Variants in CNTN5 observed in about 807,000 individuals in gnomAD.
The protein encoded by CNTN5 is contactin-5.
A neutral mutation model predicts 129.1 loss-of-function variants in CNTN5; 77 were observed. The ratio of observed to expected loss-of-function variants is 0.60; its 90% confidence interval spans 0.50 to 0.72. CNTN5 has a LOEUF of 0.72. Ranked by LOEUF, CNTN5 falls within the 30% of genes least tolerant of loss-of-function variation. CNTN5 has a pLI of 0.00. For synonymous variants in CNTN5, 509 were observed against 465.6 expected, an observed-to-expected ratio of 1.09 and a Z score of -1.20; for missense variants, 1,478 against 1,328.8, an observed-to-expected ratio of 1.11 and a Z score of -1.75.
At chr11:99,458,761 G>A (rs2135224230) in intron 2 of CNTN5, among the ~76,000 whole-genome samples, 1 of 152,100 alleles carries the variant, frequency 6.6e-6, no homozygotes, top group East Asian at 1.9e-4. Flanking sequence ...GAGAATGTTA[G>A]TGAAGGAAAA....
intron 21 of CNTN5, among the ~76,000 whole-genome samples, chr11:100,310,489 T>G (rs574829372): frequency 6.6e-6 from 1 of 151,964 alleles, no homozygotes; most frequent in Admixed American, 6.6e-5. Context: ...TAAATATTTA[T>G]GTAGACCTAT....
At chr11:99,095,811 C>A (rs996638651) in intron 1 of CNTN5, among the ~76,000 whole-genome samples, 4 of 151,746 alleles carry the variant, frequency 2.6e-5, no homozygotes, top group African/African-American at 9.7e-5. Context: ...TCAGGAGCCA[C>A]GAACTTTATG....
intron 1 of CNTN5, among the ~76,000 whole-genome samples, chr11:99,138,473 C>T (rs1020578729): frequency 1.3e-5 from 2 of 152,118 alleles, no homozygotes; most frequent in African/African-American, 4.8e-5. Context: ...CAAATTGTCA[C>T]TCCCTTATAG....
At chr11:99,318,975 G>A (rs982010159) in intron 1 of CNTN5, among the ~76,000 whole-genome samples, 7 of 152,190 alleles carry the variant, frequency 4.6e-5, no homozygotes, top group Non-Finnish European at 1.0e-4. Flanking sequence ...AGTCCATTTA[G>A]AGATGACAGA....
chr11:99,983,765 G>A (rs951547750), intron 8 of CNTN5, among the ~76,000 whole-genome samples: 35 of 152,144 alleles, frequency 2.3e-4, no homozygotes, highest in African/African-American at 8.2e-4. Flanking sequence ...GAAGAATACA[G>A]TTGTACAATA....
intron 3 of CNTN5, among the ~76,000 whole-genome samples, chr11:99,596,382 T>C (rs771069217): frequency 6.6e-6 from 1 of 152,278 alleles, no homozygotes; most frequent in Middle Eastern, 3.4e-3. Flanking sequence ...TTTTTATTCA[T>C]AGAAATGCAA....
At chr11:99,927,141 T>A (rs1950080601) in intron 7 of CNTN5, among the ~76,000 whole-genome samples, 7 of 152,324 alleles carry the variant, frequency 4.6e-5, no homozygotes, top group Admixed American at 4.6e-4. Context: ...AAGTTTTGCC[T>A]AGAATTAGCC....
chr11:99,976,948 T>A (rs1033131931), intron 8 of CNTN5, among the ~76,000 whole-genome samples: 1 of 152,260 alleles, frequency 6.6e-6, no homozygotes, highest in African/African-American at 2.4e-5. Context: ...TATTTTCTGC[T>A]TTCCTTTTAA....
intron 9 of CNTN5, among the ~76,000 whole-genome samples, chr11:100,043,608 A>C (rs1942489270): frequency 6.6e-6 from 1 of 152,088 alleles, no homozygotes; most frequent in Non-Finnish European, 1.5e-5. Context: ...GTAAAGTTCC[A>C]CTCATTTGCC....
At chr11:100,337,738 A>G (rs1952064260) in intron 21 of CNTN5, 1 of 430,716 alleles carries the variant, frequency 2.3e-6, no homozygotes, top group South Asian at 2.1e-5. Context: ...AGTTTCATCT[A>G]TAAAAGGTCT....
At chr11:100,147,974 T>G (rs879082287) in intron 13 of CNTN5, among the ~76,000 whole-genome samples, 4 of 152,160 alleles carry the variant, frequency 2.6e-5, no homozygotes, top group Non-Finnish European at 4.4e-5. Context: ...ATATTTTAAA[T>G]TAATTCTCTG....
chr11:99,083,122 TA>T (rs1865875281), intron 1 of CNTN5, among the ~76,000 whole-genome samples: 1 of 152,184 alleles, frequency 6.6e-6, no homozygotes, highest in Non-Finnish European at 1.5e-5. Flanking sequence ...ATTTACTTTT[TA>T]TTTTTTAAAT....
At chr11:99,948,351 G>A (rs1950599353) in intron 7 of CNTN5, among the ~76,000 whole-genome samples, 1 of 152,150 alleles carries the variant, frequency 6.6e-6, no homozygotes, top group African/African-American at 2.4e-5. Context: ...CTACCCAGCA[G>A]GCCACATCCT....
chr11:99,768,134 T>A (rs1158596419), intron 3 of CNTN5, among the ~76,000 whole-genome samples: 1 of 152,132 alleles, frequency 6.6e-6, no homozygotes, highest in African/African-American at 2.4e-5. Flanking sequence ...TCTGTCCTTG[T>A]AGAAAAAGTT....
intron 13 of CNTN5, among the ~76,000 whole-genome samples, chr11:100,084,194 A>G (rs1233171683): frequency 6.6e-6 from 1 of 152,186 alleles, no homozygotes; most frequent in Non-Finnish European, 1.5e-5. Flanking sequence ...AACTTGAACA[A>G]GCCATTAATT....
intron 1 of CNTN5, among the ~76,000 whole-genome samples, chr11:99,025,478 G>C (rs1049931011): frequency 6.6e-6 from 1 of 151,708 alleles, no homozygotes; most frequent in Non-Finnish European, 1.5e-5. Flanking sequence ...ACCCAGAAAG[G>C]AGAACATCTC....
intron 13 of CNTN5, among the ~76,000 whole-genome samples, chr11:100,090,583 C>G (rs1944744369): frequency 7.2e-6 from 1 of 138,414 alleles, no homozygotes; most frequent in Admixed American, 7.6e-5. Flanking sequence ...TCCCTCCTTC[C>G]TTCTTTCACA....
intron 14 of CNTN5, among the ~76,000 whole-genome samples, chr11:100,193,139 C>T (rs1948539934): frequency 6.6e-6 from 1 of 151,874 alleles, no homozygotes; most frequent in Non-Finnish European, 1.5e-5. Flanking sequence ...CTTTTATTTA[C>T]TTAATGATCC....
At chr11:99,687,933 C>G (rs1014749114) in intron 3 of CNTN5, among the ~76,000 whole-genome samples, 5 of 152,118 alleles carry the variant, frequency 3.3e-5, no homozygotes, top group African/African-American at 1.2e-4. Context: ...TATTTAGAAG[C>G]ATATGCTTGG....
Sources: allele counts gnomAD v4.1 joint callset (sites outside exome capture counted in the v4.1 genomes callset), GRCh38; gene constraint gnomAD v4.1.1; transcripts MANE v1.5; gene names NCBI Gene and HGNC (gene_info 2026-07-23, HGNC 2026-07-21).